CDH13: variants seen among roughly 807,000 people sequenced by gnomAD.
CDH13 encodes cadherin-13.
Under a neutral mutation model 63.8 loss-of-function variants are expected in CDH13, and 24 were observed. The ratio of observed to expected loss-of-function variants is 0.38; its 90% confidence interval spans 0.27 to 0.53. CDH13 has a LOEUF of 0.53. Among genes scored for constraint, CDH13 ranks in the 20% least tolerant of loss-of-function variants. The pLI, the probability that CDH13 is intolerant of heterozygous loss-of-function variation, is 0.85. For missense variants in CDH13, 1,049 were observed against 903.1 expected (o/e 1.16, Z -2.07); for synonymous variants, 503 against 355.3 (o/e 1.42, Z -4.67).
intron 3 of CDH13, among the ~76,000 whole-genome samples, chr16:83,040,917 C>T (rs537304688): frequency 7.9e-5 from 12 of 152,312 alleles, no homozygotes; most frequent in African/African-American, 2.9e-4. Flanking sequence ...CCATGCCCAA[C>T]ATGACCAAAT....
chr16:83,173,319 G>A (rs1274480135), intron 4 of CDH13, among the ~76,000 whole-genome samples: 3 of 152,016 alleles, frequency 2.0e-5, no homozygotes, highest in African/African-American at 7.2e-5. Context: ...AAGTTTAGAA[G>A]GTATTTGTTA....
chr16:83,535,144 G>A (rs1414575453), intron 7 of CDH13, among the ~76,000 whole-genome samples: 1 of 152,218 alleles, frequency 6.6e-6, no homozygotes, highest in Non-Finnish European at 1.5e-5. Context: ...AGAGTTAACT[G>A]GGAGACCAGA....
chr16:83,271,574 A>C (rs776103381), intron 5 of CDH13, among the ~76,000 whole-genome samples: 2 of 151,876 alleles, frequency 1.3e-5, no homozygotes, highest in African/African-American at 4.8e-5. Flanking sequence ...GAAAAGAATA[A>C]TATAATGCAT....
intron 2 of CDH13, among the ~76,000 whole-genome samples, chr16:82,890,102 C>T (rs936432804): frequency 2.0e-5 from 3 of 152,222 alleles, no homozygotes; most frequent in East Asian, 1.9e-4. Flanking sequence ...GTCTCCCAGC[C>T]TTCGTGATTC....
chr16:82,792,493 G>T (rs1023744558), intron 1 of CDH13, among the ~76,000 whole-genome samples: 1 of 152,124 alleles, frequency 6.6e-6, no homozygotes, highest in Non-Finnish European at 1.5e-5. Context: ...AATTCTGGGG[G>T]TTCTGGACTC....
At chr16:83,784,075 T>A (rs1915714960) in intron 13 of CDH13, among the ~76,000 whole-genome samples, 1 of 152,236 alleles carries the variant, frequency 6.6e-6, no homozygotes, top group Non-Finnish European at 1.5e-5. Flanking sequence ...TATTCCTTAT[T>A]TATGAAATAC....
intron 1 of CDH13, among the ~76,000 whole-genome samples, chr16:82,794,356 C>T (rs1303361542): frequency 6.7e-6 from 1 of 149,194 alleles, no homozygotes; most frequent in Non-Finnish European, 1.5e-5. Flanking sequence ...GTCTTAAGAA[C>T]ACTTTAAATC....
At chr16:83,137,748 G>C (rs2080474361) in intron 4 of CDH13, among the ~76,000 whole-genome samples, 1 of 152,202 alleles carries the variant, frequency 6.6e-6, no homozygotes, top group African/African-American at 2.4e-5. Context: ...GGGCGCAGTG[G>C]GGATGGACTG....
chr16:83,738,455 T>C (rs1911744283), intron 10 of CDH13, among the ~76,000 whole-genome samples: 1 of 152,226 alleles, frequency 6.6e-6, no homozygotes, highest in South Asian at 2.1e-4. Flanking sequence ...CTCCTCCGTA[T>C]TGTCTGAATT....
At position 82,644,893 on chromosome 16, in the gene CDH13, G is replaced by A. The variant is rs1597205556; in HGVS notation, c.45+17756G>A. Among the ~76,000 whole-genome samples the A allele has an allele frequency of 1.3e-5, 2 of 152,226 alleles. No individual in the cohort carries two copies. Among genetic ancestry groups the A allele is most frequent in the Non-Finnish European group, 1.5e-5 (1 of 68,000 alleles). On this transcript the variant is annotated intron_variant, in intron 1 of 13. Coordinates refer to ENST00000567109, the MANE Select transcript of CDH13 (RefSeq NM_001257.5). This position sits in a 1 kb window ranked among gnomAD's most constrained non-coding sequence, Gnocchi z 5.7. ...TACTGGTTCCATGGGAGGTTAATATGGGTTCTGGGGAAAAAAAATTAGGGG... is the reference window on the plus strand; with the variant it reads ...TACTGGTTCCATGGGAGGTTAATATAGGTTCTGGGGAAAAAAAATTAGGGG...
chr16:83,016,119 T>G (rs995440415), intron 2 of CDH13, among the ~76,000 whole-genome samples: 1 of 152,134 alleles, frequency 6.6e-6, no homozygotes, highest in African/African-American at 2.4e-5. Flanking sequence ...CCATATGGCC[T>G]AAGGGATGTA....
chr16:83,684,466 C>G (rs1336205180), intron 10 of CDH13, among the ~76,000 whole-genome samples: 2 of 152,140 alleles, frequency 1.3e-5, no homozygotes, highest in Admixed American at 6.5e-5. Context: ...AACATGGGAA[C>G]TAACGCTTCC....
chr16:83,416,280 G>A (rs2151463795), intron 6 of CDH13, among the ~76,000 whole-genome samples: 1 of 152,222 alleles, frequency 6.6e-6, no homozygotes, highest in Non-Finnish European at 1.5e-5. Context: ...TTGTATAGAT[G>A]GATTGGAAGA....
In CDH13 at chr16:82,857,162, C is replaced by A. The variant is rs143571769; in HGVS notation, c.46-1200C>A. Among the ~76,000 whole-genome samples the A allele has an allele frequency of 5.9e-5, 9 of 152,324 alleles. No individual in the cohort carries two copies. The East Asian group carries it at 1.3e-3, about 23-fold the overall frequency. On this transcript the variant is annotated intron_variant, in intron 1 of 13. Transcript: ENST00000567109. Reference sequence around the variant, plus strand: ...ACTTGAACCTAGATTCAGATGCTGGCTTCACCCATTCCAACTGTATGATCT... The same window carrying A: ...ACTTGAACCTAGATTCAGATGCTGGATTCACCCATTCCAACTGTATGATCT...
intron 4 of CDH13, among the ~76,000 whole-genome samples, chr16:83,177,472 G>A (rs1369053047): frequency 1.3e-5 from 2 of 152,172 alleles, no homozygotes; most frequent in African/African-American, 2.4e-5. Context: ...ATATCCGCAA[G>A]CCAAGCTACT....
intron 3 of CDH13, among the ~76,000 whole-genome samples, chr16:83,034,241 G>A (rs1916645127): frequency 6.6e-6 from 1 of 152,058 alleles, no homozygotes; most frequent in African/African-American, 2.4e-5. Flanking sequence ...AATGCTTCTG[G>A]AACCTACTAT....
At chr16:83,134,136 C>A (rs889592978) in intron 4 of CDH13, among the ~76,000 whole-genome samples, 3 of 152,148 alleles carry the variant, frequency 2.0e-5, no homozygotes, top group African/African-American at 7.2e-5. Flanking sequence ...AATGAGGCCA[C>A]CAGATAAATT....
intron 10 of CDH13, among the ~76,000 whole-genome samples, chr16:83,734,771 C>T (rs1277129247): frequency 3.1e-5 from 4 of 128,034 alleles, no homozygotes; most frequent in African/African-American, 1.1e-4. Flanking sequence ...GGGATTAAAG[C>T]GGGGCAAGGA....
At chr16:83,609,909 T>TGTA (rs1567803113) in intron 8 of CDH13, among the ~76,000 whole-genome samples, 1 of 152,202 alleles carries the variant, frequency 6.6e-6, no homozygotes, top group African/African-American at 2.4e-5. Context: ...CCACCACTGA[T>TGTA]CTACTGTCAG....
Sources: gnomAD v4.1 joint callset for allele counts (sites outside exome capture counted in the v4.1 genomes callset) on GRCh38, gnomAD v4.1.1 for gene constraint, Gnocchi (gnomAD v3.1) non-coding constraint, MANE v1.5 for transcripts, NCBI Gene and HGNC (gene_info 2026-07-23, HGNC 2026-07-21) for gene names.